EMP2: variants seen among roughly 807,000 people sequenced by gnomAD.
The protein encoded by EMP2 is epithelial membrane protein 2.
EMP2 carries 19 observed loss-of-function variants against 13.7 expected under a neutral mutation model. The ratio of observed to expected loss-of-function variants is 1.38; its 90% CI spans 0.97 to 2.03. The LOEUF (loss-of-function observed/expected upper bound fraction) is 2.03, where lower values mean the gene tolerates loss of function less well. Ranked by LOEUF, EMP2 falls within the 30% of genes most tolerant of loss-of-function variation. The probability of loss-of-function intolerance (pLI) is 0.00; values close to 1 mark genes in which losing one functional copy is unlikely to be tolerated. For missense variants in EMP2, 253 were observed against 220.7 expected, an observed-to-expected ratio of 1.15 and a Z score of -0.93; for synonymous variants, 97 against 84.7, an observed-to-expected ratio of 1.15 and a Z score of -0.80.
At chr16:10,543,476 G>A in intron 3 of EMP2, 94 bp downstream of exon 3, 1 of 1,383,500 alleles carries the variant, frequency 7.2e-7, no homozygotes, top group South Asian at 1.2e-5. Context: ...GTGAGTGGAG[G>A]AGAGGGTACG....
chr16:10,537,351 C>T (rs540899371), intron 4 of EMP2, among the ~76,000 whole-genome samples: 1 of 152,192 alleles, frequency 6.6e-6, no homozygotes, highest in Non-Finnish European at 1.5e-5. Flanking sequence ...TCTCTTGAGC[C>T]CCTGCAGCCA....
chr16:10,558,064 C>G (rs1276346696), intron 1 of EMP2, among the ~76,000 whole-genome samples: 1 of 149,804 alleles, frequency 6.7e-6, no homozygotes, highest in Non-Finnish European at 1.5e-5. Context: ...GGATCTCTCT[C>G]TGTTGCCCAG....
At chr16:10,539,769 A>G (rs2050680002) in intron 3 of EMP2, among the ~76,000 whole-genome samples, 1 of 152,198 alleles carries the variant, frequency 6.6e-6, no homozygotes, top group Non-Finnish European at 1.5e-5. Flanking sequence ...GATGAAATAA[A>G]TCAGAACGTC....
intron 4 of EMP2, among the ~76,000 whole-genome samples, chr16:10,537,717 C>T (rs913582936): frequency 2.0e-5 from 3 of 152,126 alleles, no homozygotes; most frequent in Admixed American, 6.6e-5. Context: ...TCAATCCAAA[C>T]TCCCAAATAT....
intron 1 of EMP2, among the ~76,000 whole-genome samples, chr16:10,567,000 A>C (rs1469665022): frequency 2.0e-5 from 3 of 152,144 alleles, no homozygotes; most frequent in Non-Finnish European, 4.4e-5. Flanking sequence ...ATCTTGGTGT[A>C]ATTGACTTCT....
chr16:10,554,456 C>G (rs936190785), intron 1 of EMP2, among the ~76,000 whole-genome samples: 5 of 152,120 alleles, frequency 3.3e-5, no homozygotes, highest in Non-Finnish European at 7.4e-5. Flanking sequence ...CCAGCTTCCC[C>G]AGGGCTTTTC....
At chr16:10,570,950 G>A (rs1227506790) in intron 1 of EMP2, among the ~76,000 whole-genome samples, 2 of 151,874 alleles carry the variant, frequency 1.3e-5, no homozygotes, top group East Asian at 3.9e-4. Context: ...AAGCAGTGGT[G>A]AGAGAGGATT....
At chr16:10,535,117 C>A (rs536560220) in intron 4 of EMP2, among the ~76,000 whole-genome samples, 1 of 152,240 alleles carries the variant, frequency 6.6e-6, no homozygotes, top group South Asian at 2.1e-4. Context: ...GCAGGCTACC[C>A]CCAGAATCCC....
chr16:10,540,983 G>C (rs13337714), intron 3 of EMP2, among the ~76,000 whole-genome samples: 2,257 of 152,242 alleles, frequency 0.015, 53 homozygotes, highest in African/African-American at 0.051. Flanking sequence ...AGCTACTGGG[G>C]AGGCTGAGGT....
At chr16:10,562,264 T>C (rs61262469) in intron 1 of EMP2, among the ~76,000 whole-genome samples, 3 of 152,068 alleles carry the variant, frequency 2.0e-5, no homozygotes, top group African/African-American at 4.8e-5. Context: ...GTGATTTTTT[T>C]ATCAATAAAA....
chr16:10,529,332 T>C lies in EMP2; in HGVS notation c.*3573A>G, dbSNP rs1336306188. Reference sequence around the variant, plus strand: ...AGTGAGGGCTGATTCTATCTACAGGTAAGAAGCTTGGATGTTTTCTCCCTG... The same window carrying C: ...AGTGAGGGCTGATTCTATCTACAGGCAAGAAGCTTGGATGTTTTCTCCCTG... On this transcript the variant is annotated 3_prime_UTR_variant, in exon 5 of 5. Transcript: ENST00000359543. 6.6e-6 allele frequency: 1 copy of C among 152,194 alleles called. No homozygotes were observed. The highest frequency in any genetic ancestry group is 6.5e-5 in the Admixed American group (1 of 15,274). 9.4% of individuals were successfully genotyped at this position (152,194 alleles called of 1,614,324 possible). A position where few individuals can be genotyped will look rare whatever the true frequency, so the allele number is the denominator to read the frequency against.
In EMP2 at chr16:10,540,955, G is replaced by A. The variant is rs182623835; in HGVS notation, c.169+2615C>T. 6.6e-5 allele frequency among the ~76,000 whole-genome samples: 10 copies of A among 152,262 alleles called. No homozygotes were observed. In the East Asian group the frequency reaches 1.5e-3, roughly 24 times the overall value. On this transcript the variant is annotated intron_variant, in intron 3 of 4. Transcript: ENST00000359543. ...ATACAAAAATTAGCCAGGTGTGGTG[G>A]CACACACCCATAATCCCAGCTACTG...
In EMP2 at chr16:10,531,832, G is replaced by T. The variant is rs531902737; in HGVS notation, c.*1073C>A. On this transcript the variant is annotated 3_prime_UTR_variant, in exon 5 of 5. Transcript: ENST00000359543. ...GAGGCTCTAGAAATAGGGGTGAGAG[G>T]CCAGCCAGGTGTAGCATGAAGGGCT... The T allele has an allele frequency of 1.3e-5, 2 of 154,978 alleles. No individual in the cohort carries two copies. Among genetic ancestry groups the T allele is most frequent in the East Asian group, 3.9e-4 (2 of 5,178 alleles). The allele number at this position is 154,978 out of a possible 1,614,324, so 9.6% of individuals were successfully genotyped here.
chr16:10,579,815 T>G, intron 1 of EMP2, among the ~76,000 whole-genome samples: 1 of 151,950 alleles, frequency 6.6e-6, no homozygotes, highest in Admixed American at 6.6e-5. Flanking sequence ...TGCCCTGTGG[T>G]GTCTTCGGAG....
chr16:10,539,680 A>C lies in EMP2; in HGVS notation c.170-1606T>G, dbSNP rs74745354. On this transcript the variant is annotated intron_variant, in intron 3 of 4. Transcript: ENST00000359543. ...AACCCACCAAACTGAGCCCTTAAGAAGCCTGCGTTTCCTTGTTTGTAAATT... is the reference window on the plus strand; with the variant it reads ...AACCCACCAAACTGAGCCCTTAAGACGCCTGCGTTTCCTTGTTTGTAAATT... 9.4e-3 allele frequency among the ~76,000 whole-genome samples: 1,430 copies of C among 152,254 alleles called. 24 individuals are homozygous for C. The highest frequency in any genetic ancestry group is 0.033 in the African/African-American group (1,378 of 41,532).
chr16:10,531,651 A>T lies in EMP2; in HGVS notation c.*1254T>A, dbSNP rs905894069. 1 of 152,364 alleles carries T rather than the reference A, an allele frequency of 6.6e-6. No individual in the cohort carries two copies. Among genetic ancestry groups the T allele is most frequent in the Non-Finnish European group, 1.5e-5 (1 of 68,200 alleles). The allele number at this position is 152,364 out of a possible 1,614,324, so 9.4% of individuals were successfully genotyped here. A position where few individuals can be genotyped will look rare whatever the true frequency, so the allele number is the denominator to read the frequency against. On this transcript the variant is annotated 3_prime_UTR_variant, in exon 5 of 5. Coordinates refer to ENST00000359543, the MANE Select transcript of EMP2 (RefSeq NM_001424.6). ...AGCCAGTTTTTCTAATTAAGTTTTA[A>T]TCTGTCTCCTCCACTAGGCCATGAG... is the stretch of plus-strand genomic sequence containing the variant.
intron 2 of EMP2, 42 bp from the exon 3 acceptor site, chr16:10,543,702 A>G (rs374638371): frequency 4.6e-5 from 74 of 1,595,918 alleles, no homozygotes; most frequent in Non-Finnish European, 6.2e-5. Context: ...CCGTCCGTTC[A>G]TGATGCAAAC....
At chr16:10,533,129 G>A in intron 4 of EMP2, 37 bp from the exon 5 acceptor site, 1 of 1,506,990 alleles carries the variant, frequency 6.6e-7, no homozygotes, top group South Asian at 1.4e-5. Flanking sequence ...ATAAATCATG[G>A]ACCACAGTGC....
At position 10,577,113 on chromosome 16, in the gene EMP2, C is replaced by G. The variant is rs58607545; in HGVS notation, c.-61+3436G>C. On this transcript the variant is annotated intron_variant, in intron 1 of 4. Coordinates refer to ENST00000359543, the MANE Select transcript of EMP2 (RefSeq NM_001424.6). ...CTGTGGCCTAGATCTAGTCCTGGGT[C>G]GGCTGCCAAATTGCTGTGTGACCTG... 4.0e-3 allele frequency among the ~76,000 whole-genome samples: 613 copies of G among 152,246 alleles called. 2 individuals carry two copies. Among genetic ancestry groups the G allele is most frequent in the South Asian group, 0.03 (143 of 4,820 alleles).
Sources: allele counts gnomAD v4.1 joint callset (sites outside exome capture counted in the v4.1 genomes callset), GRCh38; gene constraint gnomAD v4.1.1; transcripts MANE v1.5; gene names NCBI Gene and HGNC (gene_info 2026-07-23, HGNC 2026-07-21).